Variants in ERO1B observed in about 807,000 individuals in gnomAD.
The protein encoded by ERO1B is endoplasmic reticulum oxidoreductase 1 beta.
A neutral mutation model predicts 75.3 loss-of-function variants in ERO1B; 49 were observed. The ratio of observed to expected loss-of-function variants is 0.65; its 90% CI spans 0.52 to 0.83. ERO1B has a LOEUF of 0.83. Ranked by LOEUF, ERO1B falls within the 40% of genes least tolerant of loss-of-function variation. The pLI is 0.00. For synonymous variants in ERO1B, 191 were observed against 192.9 expected (o/e 0.99, Z 0.08); for missense variants, 512 against 560.1 (o/e 0.91, Z 0.87).
chr1:236,225,245 A>C, intron 12 of ERO1B, 106 bp from the exon 13 acceptor site: 1 of 1,027,952 alleles, frequency 9.7e-7, no homozygotes, highest in Non-Finnish European at 1.5e-6. Context: ...AAAATTCATT[A>C]TTTACTCCGA....
chr1:236,249,875 T>G lies in ERO1B; in HGVS notation c.431+10A>C. 6.4e-7 allele frequency: 1 copy of G among 1,556,322 alleles called. No homozygotes were observed. The highest frequency in any genetic ancestry group is 8.7e-7 in the Non-Finnish European group (1 of 1,151,850). Reference sequence around the variant, plus strand: ...GAATATTTTCTTAATATTACCAAAATAAAACTTGCCTTAATGTGCTGTTAA... The same window carrying G: ...GAATATTTTCTTAATATTACCAAAAGAAAACTTGCCTTAATGTGCTGTTAA... On this transcript the variant is annotated intron_variant, in intron 5 of 15. Transcript: ENST00000354619.
At chr1:236,227,693 T>G (rs1664311669) in intron 10 of ERO1B, among the ~76,000 whole-genome samples, 1 of 152,206 alleles carries the variant, frequency 6.6e-6, no homozygotes, top group Non-Finnish European at 1.5e-5. Flanking sequence ...GGAAATTTTT[T>G]TTTAATGTAA....
At chr1:236,235,402 G>A (rs1028360136) in intron 8 of ERO1B, among the ~76,000 whole-genome samples, 3 of 152,168 alleles carry the variant, frequency 2.0e-5, no homozygotes, top group Non-Finnish European at 4.4e-5. Context: ...GGAATCATGT[G>A]GAGAGTTTAA....
At position 236,234,145 on chromosome 1, in the gene ERO1B, T is replaced by C. The variant is rs16833513; in HGVS notation, c.674-1306A>G. Among the ~76,000 whole-genome samples, 1,438 of 152,332 alleles carry C rather than the reference T, an allele frequency of 9.4e-3. 22 individuals carry two copies. Among genetic ancestry groups the C allele is most frequent in the African/African-American group, 0.032 (1,333 of 41,568 alleles). ...ACAGCAAGAGCTATTAATTACTTCA[T>C]AGAGTACTCCTATAACAGCTAGGAA... On this transcript the variant is annotated intron_variant, in intron 8 of 15. Coordinates refer to ENST00000354619, the MANE Select transcript of ERO1B (RefSeq NM_019891.4).
intron 7 of ERO1B, 68 bp downstream of exon 7, chr1:236,236,210 A>T (rs1353413125): frequency 5.6e-6 from 9 of 1,595,232 alleles, no homozygotes; most frequent in Non-Finnish European, 7.7e-6. Flanking sequence ...TACAGGCGTG[A>T]GCCACAGCAC....
At chr1:236,242,798 C>T (rs1664744339) in intron 6 of ERO1B, among the ~76,000 whole-genome samples, 1 of 152,110 alleles carries the variant, frequency 6.6e-6, no homozygotes, top group Admixed American at 6.5e-5. Context: ...TATTATCCCA[C>T]AGATAAAAAA....
In ERO1B at chr1:236,217,523, T is replaced by C. The variant is rs932629435; in HGVS notation, c.*993A>G. The C allele has an allele frequency of 6.6e-6, 1 of 152,584 alleles. No individual in the cohort carries two copies. Among genetic ancestry groups the C allele is most frequent in the Non-Finnish European group, 1.5e-5 (1 of 67,984 alleles). The allele number at this position is 152,584 out of a possible 1,614,324, so 9.5% of individuals were successfully genotyped here. On this transcript the variant is annotated 3_prime_UTR_variant, in exon 16 of 16. Transcript: ENST00000354619. ...AAGCACACTGAGTTCGAGGATTGCA[T>C]AGATTGTATTCTAAAATAAATCCTT...
chr1:236,250,705 C>A (rs1220298061), intron 4 of ERO1B, among the ~76,000 whole-genome samples: 1 of 147,528 alleles, frequency 6.8e-6, no homozygotes, highest in African/African-American at 2.5e-5. Context: ...TATACACACA[C>A]ATATATATAT....
intron 6 of ERO1B, 24 bp downstream of exon 6, chr1:236,243,397 TA>T (rs774476309): frequency 3.7e-5 from 52 of 1,417,314 alleles, no homozygotes; most frequent in Non-Finnish European, 5.0e-5. Flanking sequence ...TAAAATAATT[TA>T]ATTATAATAG....
rs67032008 is a variant in ERO1B, at chr1:236,218,648, AC to A, written c.1344-73del. The stretch of plus-strand genomic sequence containing the variant: ...ACTGTTTCAAATTATTGATATTGTT[AC>A]ATAAGCTATAATTTGAAAGCAAAAC... On this transcript the variant is annotated intron_variant, in intron 15 of 15. Coordinates refer to ENST00000354619, the MANE Select transcript of ERO1B (RefSeq NM_019891.4). 39,675 of 1,174,448 alleles carry A rather than the reference AC, an allele frequency of 0.034. 2,627 individuals carry two copies. In the East Asian group the frequency reaches 0.38, roughly 11 times the overall value. 72.8% of individuals were successfully genotyped at this position (1,174,448 alleles called of 1,614,324 possible). A position where few individuals can be genotyped will look rare whatever the true frequency, so the allele number is the denominator to read the frequency against.
intron 1 of ERO1B, 96 bp from the exon 2 acceptor site, chr1:236,270,090 T>C (rs1354575579): frequency 4.6e-6 from 4 of 869,020 alleles, no homozygotes; most frequent in Admixed American, 2.9e-5. Context: ...TCATTCAAGT[T>C]AGCCGGTACT....
chr1:236,240,755 A>G (rs77372520), intron 6 of ERO1B, among the ~76,000 whole-genome samples: 141 of 152,298 alleles, frequency 9.3e-4, no homozygotes, highest in Non-Finnish European at 1.8e-3. Flanking sequence ...CTTGCCCTCA[A>G]ATAGCTCACA....
intron 10 of ERO1B, among the ~76,000 whole-genome samples, chr1:236,228,764 C>T (rs937816673): frequency 5.3e-5 from 8 of 152,144 alleles, no homozygotes; most frequent in African/African-American, 1.9e-4. Context: ...TTGCTCCTCT[C>T]CACGCTCCAG....
intron 4 of ERO1B, 97 bp from the exon 5 acceptor site, chr1:236,250,064 C>A: frequency 1.5e-6 from 1 of 645,676 alleles, no homozygotes; most frequent in Non-Finnish European, 2.5e-6. Context: ...ATGATATACA[C>A]TAAATATACA....
chr1:236,262,742 T>A (rs979554506), intron 2 of ERO1B, among the ~76,000 whole-genome samples: 5 of 152,144 alleles, frequency 3.3e-5, no homozygotes, highest in Admixed American at 2.6e-4. Flanking sequence ...GCTAATTTTT[T>A]AATTCAGCAA....
rs1664372463 is a variant in ERO1B, at chr1:236,230,265, A to G, written c.686-15T>C. On this transcript the variant is annotated splice_polypyrimidine_tract_variant and intron_variant, in intron 9 of 15. Transcript: ENST00000354619. ...GAATGATTCTCCTGAGAGAGAGAGA[A>G]AAGTGGATTAAAACATTATATGGTC... 1.9e-6 allele frequency: 3 copies of G among 1,574,048 alleles called. No homozygotes were observed. Among genetic ancestry groups the G allele is most frequent in the African/African-American group, 2.7e-5 (2 of 73,858 alleles).
Position 236,216,532 on chromosome 1 carries a change from A to G in ERO1B, c.*1984T>C, listed in dbSNP as rs957452364. ...AAAAAATTAGTTAAGAACCTTAAAA[A>G]GAACTTTTTACTCTAACCAGATCTT... On this transcript the variant is annotated 3_prime_UTR_variant, in exon 16 of 16. Coordinates refer to ENST00000354619, the MANE Select transcript of ERO1B (RefSeq NM_019891.4). The G allele has an allele frequency of 1.3e-5, 2 of 152,160 alleles. No homozygotes were observed. The highest frequency in any genetic ancestry group is 4.8e-5 in the African/African-American group (2 of 41,452). 9.4% of individuals were successfully genotyped at this position (152,160 alleles called of 1,614,324 possible).
At position 236,232,833 on chromosome 1, in the gene ERO1B, T is replaced by C. The variant is rs1326188175; in HGVS notation, c.680A>G (p.Asp227Gly). Residue 227 changes from aspartate to glycine, a missense_variant, in exon 9 of 16, where the codon GAT (aspartate) becomes GGT (glycine). By Grantham distance (94) the Asp-to-Gly change is moderately conservative (BLOSUM62 -1). Coordinates refer to ENST00000354619, the MANE Select transcript of ERO1B (RefSeq NM_019891.4). ...CAAACATGAGTTTTGCTCACCATCA[T>C]CTTCGCCTAAAAGAGAAAATAATAG... ...LNPLAPSRGE[D>G]DGESFYTWLE... is the part of the protein sequence containing the mutation. 2.5e-6 allele frequency: 4 copies of C among 1,597,150 alleles called. No homozygotes were observed.
chr1:236,255,101 TC>T (rs1430714279), intron 2 of ERO1B, among the ~76,000 whole-genome samples: 59 of 87,948 alleles, frequency 6.7e-4, no homozygotes, highest in East Asian at 1.0e-3. Context: ...TTTTTTTCTT[TC>T]TTTTTTTTTT....
Sources: allele counts gnomAD v4.1 joint callset (sites outside exome capture counted in the v4.1 genomes callset), GRCh38; gene constraint gnomAD v4.1.1; transcripts MANE v1.5; gene names NCBI Gene and HGNC (gene_info 2026-07-23, HGNC 2026-07-21).